LOC128462377: variants seen among roughly 807,000 people sequenced by gnomAD.
the LOC128462377 span, among the ~76,000 whole-genome samples, chr16:89,317,816 G>C: frequency 6.6e-6 from 1 of 152,038 alleles, no homozygotes; most frequent in Non-Finnish European, 1.5e-5. Context: ...ACAAGTTTCT[G>C]GCCAGGGAGA....
At chr16:89,318,496 C>T in the LOC128462377 span, among the ~76,000 whole-genome samples, 5 of 152,252 alleles carry the variant, frequency 3.3e-5, no homozygotes, top group Non-Finnish European at 5.9e-5. Context: ...TTCTGCAACT[C>T]GCTCCCCTGC....
chr16:89,363,507 A>G, the LOC128462377 span, among the ~76,000 whole-genome samples: 1 of 151,860 alleles, frequency 6.6e-6, no homozygotes, highest in East Asian at 1.9e-4. Context: ...TCAGTCTTGC[A>G]AAGTTTTGAA....
the LOC128462377 span, among the ~76,000 whole-genome samples, chr16:89,356,327 GC>G: frequency 6.6e-6 from 1 of 150,840 alleles, no homozygotes; most frequent in East Asian, 2.0e-4. Context: ...GTTCTCGGTG[GC>G]AAGCCATCCG....
chr16:89,348,202 GATTACAGGC>G, the LOC128462377 span, among the ~76,000 whole-genome samples: 1 of 152,056 alleles, frequency 6.6e-6, no homozygotes, highest in Non-Finnish European at 1.5e-5. Context: ...AAAATGTTGG[GATTACAGGC>G]ATGAGCCACC....
At chr16:89,328,637 A>C in the LOC128462377 span, among the ~76,000 whole-genome samples, 130 of 143,550 alleles carry the variant, frequency 9.1e-4, no homozygotes, top group Middle Eastern at 3.8e-3. Context: ...CACACCCAGG[A>C]GCACGGGCGA....
chr16:89,342,509 G>A, the LOC128462377 span, among the ~76,000 whole-genome samples: 239 of 152,368 alleles, frequency 1.6e-3, 2 homozygotes, highest in Middle Eastern at 0.014. Context: ...AGAGGCCAGC[G>A]TGAACTCGCT....
the LOC128462377 span, among the ~76,000 whole-genome samples, chr16:89,377,909 A>G: frequency 1.4e-4 from 22 of 152,154 alleles, no homozygotes; most frequent in African/African-American, 5.3e-4. Context: ...CTTCTACTCA[A>G]TGAAATGATG....
chr16:89,410,083 C>T, the LOC128462377 span, among the ~76,000 whole-genome samples: 3 of 152,200 alleles, frequency 2.0e-5, no homozygotes, highest in South Asian at 2.1e-4. Flanking sequence ...TCGTGATCCG[C>T]CCGCCTCGGC....
At chr16:89,328,018 T>C in the LOC128462377 span, among the ~76,000 whole-genome samples, 34 of 152,102 alleles carry the variant, frequency 2.2e-4, no homozygotes, top group African/African-American at 8.2e-4. Context: ...AAGAAAGAAG[T>C]ATCAAACAAC....
the LOC128462377 span, chr16:89,328,848 C>T: frequency 8.2e-6 from 1 of 121,982 alleles, no homozygotes; most frequent in Non-Finnish European, 1.7e-5. Flanking sequence ...CCCAGGAGCA[C>T]GGGCGAAATC....
the LOC128462377 span, among the ~76,000 whole-genome samples, chr16:89,390,950 T>C: frequency 1.3e-5 from 2 of 152,156 alleles, no homozygotes; most frequent in Non-Finnish European, 2.9e-5. Context: ...TGCACCAGGC[T>C]GGGCGCCATG....
At chr16:89,387,848 C>G in the LOC128462377 span, among the ~76,000 whole-genome samples, 1 of 151,128 alleles carries the variant, frequency 6.6e-6, no homozygotes, top group Non-Finnish European at 1.5e-5. Context: ...ACTAAAAATT[C>G]AAAAAAATTA....
chr16:89,317,572 C>G, the LOC128462377 span, among the ~76,000 whole-genome samples: 5 of 152,270 alleles, frequency 3.3e-5, no homozygotes, highest in African/African-American at 7.2e-5. Context: ...CCTGTCCCCA[C>G]CAGGCCTGTG....
chr16:89,319,160 C>G, the LOC128462377 span, among the ~76,000 whole-genome samples: 3 of 152,220 alleles, frequency 2.0e-5, no homozygotes, highest in Non-Finnish European at 4.4e-5. Context: ...GTCCTGATCC[C>G]AGATGTGAGT....
chr16:89,412,514 T>C, the LOC128462377 span: 1 of 152,268 alleles, frequency 6.6e-6, no homozygotes, highest in African/African-American at 2.4e-5. Flanking sequence ...CAATGATGTA[T>C]TAAGACACGC....
the LOC128462377 span, among the ~76,000 whole-genome samples, chr16:89,326,299 G>A: frequency 1.3e-5 from 2 of 152,166 alleles, no homozygotes; most frequent in Non-Finnish European, 2.9e-5. Context: ...GGAAGAGGAA[G>A]GTTAGAAAGG....
chr16:89,387,447 C>T, the LOC128462377 span, among the ~76,000 whole-genome samples: 2 of 149,904 alleles, frequency 1.3e-5, no homozygotes, highest in Non-Finnish European at 3.0e-5. Context: ...CTGAGGCGGG[C>T]AGATCACGAG....
At chr16:89,352,730 G>A in the LOC128462377 span, among the ~76,000 whole-genome samples, 2 of 152,180 alleles carry the variant, frequency 1.3e-5, no homozygotes, top group Non-Finnish European at 2.9e-5. Flanking sequence ...GGTGAGTCCC[G>A]CTTGCCTCTG....
chr16:89,381,452 G>A, the LOC128462377 span, among the ~76,000 whole-genome samples: 5 of 151,700 alleles, frequency 3.3e-5, no homozygotes, highest in African/African-American at 1.2e-4. Flanking sequence ...ATTGTATAAG[G>A]AGCAAGAGCT....
Sources: allele counts gnomAD v4.1 joint callset (sites outside exome capture counted in the v4.1 genomes callset), GRCh38; gene constraint gnomAD v4.1.1; transcripts MANE v1.5.